Variants in SORCS3 observed in about 807,000 individuals in gnomAD.
The protein encoded by SORCS3 is sortilin related VPS10 domain containing receptor 3.
A neutral mutation model predicts 146.3 loss-of-function variants in SORCS3; 57 were observed. The ratio of observed to expected loss-of-function variants is 0.39; its 90% CI spans 0.31 to 0.49. The LOEUF is 0.49. Ranked by LOEUF, SORCS3 falls within the 20% of genes least tolerant of loss-of-function variation. The probability of loss-of-function intolerance (pLI) is 0.92; values close to 1 mark genes in which losing one functional copy is unlikely to be tolerated. For synonymous variants in SORCS3, 653 were observed against 618.5 expected, an observed-to-expected ratio of 1.06 and a Z score of -0.83; for missense variants, 1,341 against 1,575.5, an observed-to-expected ratio of 0.85 and a Z score of 2.52.
chr10:105,138,019 C>A (rs932151278), intron 7 of SORCS3, among the ~76,000 whole-genome samples: 1 of 151,850 alleles, frequency 6.6e-6, no homozygotes, highest in Non-Finnish European at 1.5e-5. Context: ...CAACACCCAC[C>A]TCTAAGCCAA....
rs370657808 is a variant in SORCS3, at chr10:105,094,225, G to T, written c.1093+4386G>T. On this transcript the variant is annotated intron_variant, in intron 6 of 26. Coordinates refer to ENST00000369701, the MANE Select transcript of SORCS3 (RefSeq NM_014978.3). Reference sequence around the variant, plus strand: ...GTGGGGAAAGTATTTGACATGAAAAGCTGCATGAAATATTTTTTAGGATGA... The same window carrying T: ...GTGGGGAAAGTATTTGACATGAAAATCTGCATGAAATATTTTTTAGGATGA... Among the ~76,000 whole-genome samples, 4 of 152,292 alleles carry T rather than the reference G, an allele frequency of 2.6e-5. No homozygotes were observed. In the East Asian group the frequency reaches 7.7e-4, roughly 29 times the overall value.
At position 105,252,850 on chromosome 10, in the gene SORCS3, C is replaced by T. The variant is rs752386185; in HGVS notation, c.3181C>T (p.Leu1061Phe). 20 of 1,614,066 alleles carry T rather than the reference C, an allele frequency of 1.2e-5. No individual in the cohort carries two copies. The highest frequency in any genetic ancestry group is 1.7e-5 in the Non-Finnish European group (20 of 1,179,976). The change falls in exon 23 of 27, where the codon CTT becomes TTT. Residue 1061 changes from leucine to phenylalanine, a missense_variant. Physicochemically the swap from Leu to Phe is conservative, Grantham distance 22 (BLOSUM62 0). Coordinates refer to ENST00000369701, the MANE Select transcript of SORCS3 (RefSeq NM_014978.3). ...CCCCACTTCAGCAGAGCTTTTCATT[C>T]TTCCACCCAAGAACCTGACAGAGAG... The part of the protein sequence containing the change: ...GLPTSAELFI[L>F]PPKNLTERRK...
At chr10:105,014,542 A>AT (rs2055154216) in intron 4 of SORCS3, among the ~76,000 whole-genome samples, 2 of 152,204 alleles carry the variant, frequency 1.3e-5, no homozygotes, top group Admixed American at 1.3e-4. Flanking sequence ...CTATCAAAGG[A>AT]TAAGTATCTA....
intron 9 of SORCS3, among the ~76,000 whole-genome samples, chr10:105,150,857 T>G (rs886839776): frequency 1.7e-4 from 26 of 152,312 alleles, no homozygotes; most frequent in Admixed American, 1.6e-3. Context: ...CCTTCTTTAC[T>G]GGAAATTCTC....
intron 5 of SORCS3, among the ~76,000 whole-genome samples, chr10:105,051,906 T>C (rs2055416044): frequency 6.6e-6 from 1 of 152,190 alleles, no homozygotes; most frequent in Non-Finnish European, 1.5e-5. Context: ...AAGCTCAGCT[T>C]GCAAGCAGAA....
chr10:104,866,773 G>T (rs2018463130), intron 2 of SORCS3, among the ~76,000 whole-genome samples: 1 of 152,022 alleles, frequency 6.6e-6, no homozygotes, highest in Admixed American at 6.6e-5. Context: ...CATATTTTAT[G>T]GTTCACTTTT....
At chr10:105,244,207 A>G (rs374815543) in intron 20 of SORCS3, among the ~76,000 whole-genome samples, 1 of 152,098 alleles carries the variant, frequency 6.6e-6, no homozygotes, top group East Asian at 1.9e-4. Flanking sequence ...CAGACTGAAG[A>G]TCTGTACTCT....
At chr10:104,871,474 C>A (rs2018518247) in intron 2 of SORCS3, among the ~76,000 whole-genome samples, 1 of 152,180 alleles carries the variant, frequency 6.6e-6, no homozygotes, top group Non-Finnish European at 1.5e-5. Context: ...ACTGTGTGCA[C>A]CAGCTCTGGG....
chr10:104,875,387 GACCA>G (rs1164648541), intron 2 of SORCS3, among the ~76,000 whole-genome samples: 1 of 152,148 alleles, frequency 6.6e-6, no homozygotes, highest in East Asian at 1.9e-4. Flanking sequence ...ATAGCTATGT[GACCA>G]TGGACAAGTT....
intron 1 of SORCS3, 65 bp downstream of exon 1, chr10:104,642,019 TG>T: frequency 1.0e-5 from 1 of 96,392 alleles, no homozygotes; most frequent in Admixed American, 1.9e-4. Context: ...GGGGGGTGGG[TG>T]GGAGCGAGGG....
At chr10:104,719,754 C>G (rs2016521711) in intron 1 of SORCS3, among the ~76,000 whole-genome samples, 1 of 152,192 alleles carries the variant, frequency 6.6e-6, no homozygotes, top group Non-Finnish European at 1.5e-5. Context: ...TTGTCTCTCT[C>G]TCTTCATGTG....
At chr10:105,147,888 G>GCTGGA in intron 9 of SORCS3, 92 bp downstream of exon 9, 1 of 1,094,962 alleles carries the variant, frequency 9.1e-7, no homozygotes, top group Non-Finnish European at 1.3e-6. Context: ...TCTGGGTTCA[G>GCTGGA]ATTCCAGCTG....
rs1304716252 is a variant in SORCS3 at position 105,073,941 on chromosome 10, C to T, written c.1029-15834C>T. Among the ~76,000 whole-genome samples the T allele has an allele frequency of 2.6e-5, 4 of 152,108 alleles. No homozygotes were observed. In the East Asian group the frequency reaches 7.7e-4, roughly 29 times the overall value. On this transcript the variant is annotated intron_variant, in intron 5 of 26. Coordinates refer to ENST00000369701, the MANE Select transcript of SORCS3 (RefSeq NM_014978.3). ...GAAGCCATGAAGTAAAGGGAAGTCT[C>T]CTGAGGTTAGGTTGTGGAATCATTT...
chr10:105,115,625 T>C (rs774071677), intron 7 of SORCS3, among the ~76,000 whole-genome samples: 1 of 152,194 alleles, frequency 6.6e-6, no homozygotes, highest in Non-Finnish European at 1.5e-5. Context: ...CTTTCAAGAC[T>C]GTTTTTGCAT....
intron 1 of SORCS3, among the ~76,000 whole-genome samples, chr10:104,723,300 T>G (rs1417131413): frequency 6.6e-6 from 1 of 152,224 alleles, no homozygotes; most frequent in Non-Finnish European, 1.5e-5. Flanking sequence ...TGAGAGAGTT[T>G]CTTAATCCTG....
At chr10:105,003,550 A>G (rs1196847355) in intron 4 of SORCS3, among the ~76,000 whole-genome samples, 2 of 152,178 alleles carry the variant, frequency 1.3e-5, no homozygotes, top group Non-Finnish European at 2.9e-5. Context: ...GAAGTTATGT[A>G]TAAATATTAG....
chr10:104,824,180 C>A lies in SORCS3; in HGVS notation c.628-18612C>A, dbSNP rs74155046. Among the ~76,000 whole-genome samples the A allele has an allele frequency of 3.8e-3, 579 of 152,220 alleles. 3 individuals are homozygous for A. Among genetic ancestry groups the A allele is most frequent in the African/African-American group, 0.013 (528 of 41,528 alleles). On this transcript the variant is annotated intron_variant, in intron 1 of 26. Coordinates refer to ENST00000369701, the MANE Select transcript of SORCS3 (RefSeq NM_014978.3). ...TGATACATTTGTGTTATTTTAAATT[C>A]GTGGTAATCTGTTACAACAGCAATA...
At chr10:105,159,107 C>T (rs562594662) in intron 11 of SORCS3, 113 bp downstream of exon 11, 83 of 696,746 alleles carry the variant, frequency 1.2e-4, no homozygotes, top group South Asian at 1.0e-3. Context: ...TGTGAGCACT[C>T]GCCCCAGAAA....
intron 16 of SORCS3, among the ~76,000 whole-genome samples, chr10:105,203,896 T>A (rs1331717824): frequency 6.6e-6 from 1 of 152,176 alleles, no homozygotes; most frequent in Non-Finnish European, 1.5e-5. Flanking sequence ...TAGGGTTAAG[T>A]GGTCCCTATG....
Sources: allele counts gnomAD v4.1 joint callset (sites outside exome capture counted in the v4.1 genomes callset), GRCh38; gene constraint gnomAD v4.1.1; transcripts MANE v1.5; gene names NCBI Gene and HGNC (gene_info 2026-07-23, HGNC 2026-07-21).